The following RAP1B variants were observed in gnomAD, a reference collection of about 807,000 sequenced individuals.
RAP1B encodes the protein ras-related protein Rap-1b.
Under a neutral mutation model 27.5 loss-of-function variants are expected in RAP1B, and 1 was observed. That is an observed-to-expected ratio of 0.04 (90% CI 0.01 to 0.17). The LOEUF is 0.17. Ranked by LOEUF, RAP1B falls within the 10% of genes least tolerant of loss-of-function variation. The pLI, the probability that RAP1B is intolerant of heterozygous loss-of-function variation, is 1.00. For missense variants in RAP1B, 84 were observed against 214.8 expected (o/e 0.39, Z 3.81); for synonymous variants, 75 against 73.1 (o/e 1.03, Z -0.13).
chr12:68,630,136 G>A (rs1243790304), intron 1 of RAP1B, among the ~76,000 whole-genome samples: 1 of 152,172 alleles, frequency 6.6e-6, no homozygotes, highest in Non-Finnish European at 1.5e-5. Flanking sequence ...ATTTTGAGTT[G>A]ATGACTAAGC....
At chr12:68,642,666 T>C in intron 1 of RAP1B, 1 of 1,137,486 alleles carries the variant, frequency 8.8e-7, no homozygotes, top group Non-Finnish European at 1.3e-6. Context: ...TATTCTACAA[T>C]CCTGGCCTTT....
At position 68,610,959 on chromosome 12, in the gene RAP1B, GC is replaced by G; in HGVS notation, c.-110del. 1 of 314,594 alleles carries G rather than the reference GC, an allele frequency of 3.2e-6. No individual in the cohort carries two copies. The highest frequency in any genetic ancestry group is 5.8e-6 in the Non-Finnish European group (1 of 171,268). The allele number at this position is 314,594 out of a possible 1,614,324, so 19.5% of individuals were successfully genotyped here. Reference sequence around the variant, plus strand: ...AACCAGCCGGAGCGGCGCGGCAGCGGCAGGACCGCCGTGGCGCCTAGAGTAG... The same window carrying G: ...AACCAGCCGGAGCGGCGCGGCAGCGGAGGACCGCCGTGGCGCCTAGAGTAG... On this transcript the variant is annotated 5_prime_UTR_variant, in exon 1 of 8. Transcript: ENST00000250559.
At position 68,667,760 on chromosome 12, in the gene RAP1B, G is replaced by C. The variant is rs1490379686; in HGVS notation, c.*8511G>C. ...CATTCCTTTGCATTTTCCAACTTTAGTAAAGCATGACTTCATGCCTTGGAT... is the reference window on the plus strand; with the variant it reads ...CATTCCTTTGCATTTTCCAACTTTACTAAAGCATGACTTCATGCCTTGGAT... On this transcript the variant is annotated 3_prime_UTR_variant, in exon 8 of 8. Coordinates refer to ENST00000250559, the MANE Select transcript of RAP1B (RefSeq NM_001010942.3). 1 of 152,170 alleles carries C rather than the reference G, an allele frequency of 6.6e-6. No homozygotes were observed. 9.4% of individuals were successfully genotyped at this position (152,170 alleles called of 1,614,324 possible). A position where few individuals can be genotyped will look rare whatever the true frequency, so the allele number is the denominator to read the frequency against.
Position 68,656,284 on chromosome 12 carries a change from ACT to A in RAP1B, c.325-18_325-17del, listed in dbSNP as rs765838613. The stretch of plus-strand genomic sequence containing the variant: ...ATAGCATATTTACTTATTTATTTTT[ACT>A]CTCACAAATGTATTTTTAGGTTCCA... On this transcript the variant is annotated intron_variant, in intron 5 of 7. Coordinates refer to ENST00000250559, the MANE Select transcript of RAP1B (RefSeq NM_001010942.3). 1.7e-4 allele frequency: 263 copies of A among 1,570,968 alleles called. No homozygotes were observed. Among genetic ancestry groups the A allele is most frequent in the Admixed American group, 5.9e-4 (35 of 58,958 alleles).
rs147614762 is a variant in RAP1B, at chr12:68,630,778, A to G, written c.-26-17921A>G. On this transcript the variant is annotated intron_variant, in intron 1 of 7. Coordinates refer to ENST00000250559, the MANE Select transcript of RAP1B (RefSeq NM_001010942.3). ...CTGCAACCTCAACCTCCCCAGGCTC[A>G]GGTGATCCTTTCACCTCCCATCCTC... 8.3e-3 allele frequency among the ~76,000 whole-genome samples: 1,257 copies of G among 152,062 alleles called. 23 individuals carry two copies. The highest frequency in any genetic ancestry group is 0.029 in the African/African-American group (1,182 of 41,454).
intron 1 of RAP1B, among the ~76,000 whole-genome samples, chr12:68,622,419 C>G (rs777963970): frequency 2.6e-5 from 4 of 152,336 alleles, no homozygotes; most frequent in Non-Finnish European, 2.9e-5. Flanking sequence ...CTTATCAAGG[C>G]CTAGAAGGTA....
chr12:68,629,404 A>G (rs960041830), intron 1 of RAP1B, among the ~76,000 whole-genome samples: 1 of 152,228 alleles, frequency 6.6e-6, no homozygotes, highest in Non-Finnish European at 1.5e-5. Context: ...CAGATTAGAA[A>G]TATATTTATT....
intron 1 of RAP1B, among the ~76,000 whole-genome samples, chr12:68,644,381 G>C (rs954134857): frequency 6.6e-6 from 1 of 151,970 alleles, no homozygotes; most frequent in Non-Finnish European, 1.5e-5. Context: ...AGGAGATTGA[G>C]ACCAATCTGG....
At chr12:68,627,195 G>T in intron 1 of RAP1B, 1 of 1,529,182 alleles carries the variant, frequency 6.5e-7, no homozygotes, top group African/African-American at 1.4e-5. Flanking sequence ...CCTACACTGG[G>T]GTAGTGCAAG....
chr12:68,634,582 A>ATT (rs1375800817), intron 1 of RAP1B, among the ~76,000 whole-genome samples: 3 of 149,182 alleles, frequency 2.0e-5, no homozygotes, highest in Non-Finnish European at 4.5e-5. Context: ...AGCCTATATT[A>ATT]TTATTTTTTT....
chr12:68,638,955 C>A (rs141417040), intron 1 of RAP1B, among the ~76,000 whole-genome samples: 221 of 152,238 alleles, frequency 1.5e-3, no homozygotes, highest in African/African-American at 4.6e-3. Context: ...GTCACCACGC[C>A]CAACCTAAGA....
chr12:68,657,754 ACACACACACACACACACACGTGCG>A (rs1375415686), intron 7 of RAP1B: 2 of 149,118 alleles, frequency 1.3e-5, no homozygotes, highest in African/African-American at 5.3e-5. Context: ...ACACACACAC[ACACACACACACACACACACGTGCG>A]CGCGTGCGCG....
At chr12:68,614,545 C>T (rs1359642820) in intron 1 of RAP1B, among the ~76,000 whole-genome samples, 1 of 152,194 alleles carries the variant, frequency 6.6e-6, no homozygotes, top group Non-Finnish European at 1.5e-5. Flanking sequence ...AAAGATTGGT[C>T]TGTCTTAAAC....
At position 68,651,919 on chromosome 12, in the gene RAP1B, A is replaced by G. The variant is rs1873840476; in HGVS notation, c.127-76A>G. On this transcript the variant is annotated intron_variant, in intron 3 of 7. Transcript: ENST00000250559. The stretch of plus-strand genomic sequence containing the variant: ...AATCTGTGTGTCTTATTTTTGATAC[A>G]TTAGCTTTTTTGTGTATATTAAGGT... The G allele has an allele frequency of 9.8e-6, 11 of 1,124,936 alleles. No individual in the cohort carries two copies. The South Asian group carries it at 1.4e-4, about 15-fold the overall frequency. The allele number at this position is 1,124,936 out of a possible 1,614,324, so 69.7% of individuals were successfully genotyped here.
At chr12:68,621,211 G>A (rs1349179105) in intron 1 of RAP1B, among the ~76,000 whole-genome samples, 1 of 152,162 alleles carries the variant, frequency 6.6e-6, no homozygotes, top group Non-Finnish European at 1.5e-5. Context: ...CCCATAGAGA[G>A]CAAGGGAATT....
intron 6 of RAP1B, 60 bp downstream of exon 6, chr12:68,656,509 G>A: frequency 6.6e-7 from 1 of 1,521,058 alleles, no homozygotes; most frequent in South Asian, 1.1e-5. Flanking sequence ...AAGATGAATG[G>A]AAAATGTCTT....
At chr12:68,650,691 A>T (rs944269335) in intron 3 of RAP1B, 3 of 312,164 alleles carry the variant, frequency 9.6e-6, no homozygotes, top group Non-Finnish European at 1.1e-5. Flanking sequence ...TTTGACACAT[A>T]AACTTTAAAG....
chr12:68,658,973 A>C (rs868323020), intron 7 of RAP1B, among the ~76,000 whole-genome samples: 13 of 152,356 alleles, frequency 8.5e-5, no homozygotes, highest in African/African-American at 2.9e-4. Flanking sequence ...AACAATTTTA[A>C]TGTGATTTTT....
intron 1 of RAP1B, chr12:68,642,607 C>T: frequency 9.8e-7 from 1 of 1,022,378 alleles, no homozygotes; most frequent in Non-Finnish European, 1.6e-6. Context: ...CCTCAGTGGT[C>T]ATCTGATCAA....
Sources: gnomAD v4.1 joint callset for allele counts (sites outside exome capture counted in the v4.1 genomes callset) on GRCh38, gnomAD v4.1.1 for gene constraint, MANE v1.5 for transcripts, NCBI Gene and HGNC (gene_info 2026-07-23, HGNC 2026-07-21) for gene names.